Variants in AHCY observed in about 807,000 individuals in gnomAD.
AHCY encodes S-adenosyl-L-homocysteine hydrolase.
A neutral mutation model predicts 45.4 loss-of-function variants in AHCY; 24 were observed. The observed-to-expected ratio is 0.53, with a 90% confidence interval of 0.38 to 0.74. The LOEUF is 0.74. Ranked by LOEUF, AHCY falls within the 30% of genes least tolerant of loss-of-function variation. The pLI, the probability that AHCY is intolerant of heterozygous loss-of-function variation, is 0.00. For missense variants in AHCY, 449 were observed against 594.1 expected (o/e 0.76, Z 2.54); for synonymous variants, 245 against 235.1 (o/e 1.04, Z -0.39).
chr20:34,301,733 A>T, intron 1 of AHCY: 1 of 831,386 alleles, frequency 1.2e-6, no homozygotes, highest in Non-Finnish European at 1.5e-6. Flanking sequence ...TTCCAGCTCT[A>T]CTATTGATGT....
At chr20:34,266,914 CT>C in the AHCY span, among the ~76,000 whole-genome samples, 1 of 152,138 alleles carries the variant, frequency 6.6e-6, no homozygotes, top group Non-Finnish European at 1.5e-5. Context: ...CACCTTATTC[CT>C]GTCTTAGTGT....
chr20:34,264,734 C>T, the AHCY span, among the ~76,000 whole-genome samples: 1 of 150,948 alleles, frequency 6.6e-6, no homozygotes, highest in East Asian at 1.9e-4. Flanking sequence ...TTCTTATAAT[C>T]GATCTCTACT....
intron 2 of AHCY, 41 bp from the exon 3 acceptor site, chr20:34,294,197 C>T (rs1265799989): frequency 5.7e-6 from 9 of 1,584,136 alleles, no homozygotes; most frequent in South Asian, 3.3e-5. Context: ...TCACTGATGG[C>T]TCAAAAGCAC....
Position 34,280,853 on chromosome 20 carries a change from G to T in AHCY, c.*181C>A. 1.1e-6 allele frequency: 1 copy of T among 907,118 alleles called. No individual in the cohort carries two copies. Among genetic ancestry groups the T allele is most frequent in the Non-Finnish European group, 1.7e-6 (1 of 597,146 alleles). The allele number at this position is 907,118 out of a possible 1,614,324, so 56.2% of individuals were successfully genotyped here. On this transcript the variant is annotated 3_prime_UTR_variant, in exon 10 of 10. Transcript: ENST00000217426. The stretch of plus-strand genomic sequence containing the variant: ...GGCTTGAAGAGGGTACTCTGTTCCC[G>T]CTGCCACATTTGGAACAGTATGACG...
chr20:34,300,279 C>T (rs1351513212), intron 1 of AHCY, among the ~76,000 whole-genome samples: 1 of 152,192 alleles, frequency 6.6e-6, no homozygotes, highest in Non-Finnish European at 1.5e-5. Flanking sequence ...GCCATTCTCC[C>T]CACAGCAGCC....
the AHCY span, chr20:34,269,145 G>T: frequency 6.5e-7 from 1 of 1,547,578 alleles, no homozygotes; most frequent in Admixed American, 2.0e-5. Context: ...TGCTCCTGCC[G>T]CGTGCTCAGC....
chr20:34,267,843 TA>T, the AHCY span, among the ~76,000 whole-genome samples: 17,367 of 147,456 alleles, frequency 0.12, 3,350 homozygotes, highest in African/African-American at 0.4. Context: ...TAACCATATT[TA>T]AAAAAAAAAA....
At chr20:34,237,895 C>T in the AHCY span, among the ~76,000 whole-genome samples, 6 of 152,072 alleles carry the variant, frequency 3.9e-5, no homozygotes, top group African/African-American at 1.4e-4. Flanking sequence ...GCTTTTCCTG[C>T]ATCAATTGAG....
intron 1 of AHCY, among the ~76,000 whole-genome samples, chr20:34,300,565 T>C (rs2036735164): frequency 7.9e-6 from 1 of 126,396 alleles, no homozygotes; most frequent in African/African-American, 5.7e-5. Flanking sequence ...AAGCACCTAA[T>C]ACAGTACCTG....
chr20:34,248,074 T>C, the AHCY span, among the ~76,000 whole-genome samples: 1 of 152,164 alleles, frequency 6.6e-6, no homozygotes, highest in Non-Finnish European at 1.5e-5. Flanking sequence ...GGCATGGTGA[T>C]GGGCGCCTGT....
At chr20:34,251,275 C>T in the AHCY span, among the ~76,000 whole-genome samples, 7 of 146,670 alleles carry the variant, frequency 4.8e-5, no homozygotes, top group Non-Finnish European at 9.0e-5. Context: ...CTCTGTGTAA[C>T]TTTTTTTTTT....
At chr20:34,298,351 T>C (rs1035631940) in intron 1 of AHCY, among the ~76,000 whole-genome samples, 11 of 152,050 alleles carry the variant, frequency 7.2e-5, no homozygotes, top group African/African-American at 2.7e-4. Flanking sequence ...TGATAATCCT[T>C]GCTCTATAAT....
intron 8 of AHCY, among the ~76,000 whole-genome samples, chr20:34,287,247 C>T (rs974194316): frequency 6.6e-6 from 1 of 152,220 alleles, no homozygotes; most frequent in African/African-American, 2.4e-5. Flanking sequence ...TCAACCTGGA[C>T]TCTACCCTCC....
At chr20:34,284,524 C>T (rs981499823) in intron 9 of AHCY, among the ~76,000 whole-genome samples, 2 of 152,152 alleles carry the variant, frequency 1.3e-5, no homozygotes, top group African/African-American at 4.8e-5. Context: ...TCAGCTTATA[C>T]ACATGTCCAA....
chr20:34,264,780 G>C, the AHCY span, among the ~76,000 whole-genome samples: 1 of 136,338 alleles, frequency 7.3e-6, no homozygotes, highest in Non-Finnish European at 1.6e-5. Context: ...ATTTTCCCTA[G>C]TTTACTTCAT....
chr20:34,271,188 C>T, the AHCY span, among the ~76,000 whole-genome samples: 2 of 151,760 alleles, frequency 1.3e-5, no homozygotes, highest in South Asian at 2.1e-4. Flanking sequence ...GTGAACCACC[C>T]GCCTCAGCCT....
At chr20:34,293,546 A>C (rs1310427910) in intron 3 of AHCY, 1 of 237,822 alleles carries the variant, frequency 4.2e-6, no homozygotes, top group East Asian at 1.1e-4. Context: ...CAGTCTGTGA[A>C]GGAGTGCTGT....
downstream of AHCY, among the ~76,000 whole-genome samples, chr20:34,279,568 C>T (rs1257279827): frequency 6.6e-6 from 1 of 152,030 alleles, no homozygotes; most frequent in East Asian, 1.9e-4. Flanking sequence ...AGTTGAAGTA[C>T]CAAAGTCTGT....
intron 1 of AHCY, among the ~76,000 whole-genome samples, chr20:34,300,258 T>C (rs1001659468): frequency 6.6e-6 from 1 of 152,190 alleles, no homozygotes; most frequent in African/African-American, 2.4e-5. Context: ...ACTGGTCCCA[T>C]GCTCTAACAT....
Sources: gnomAD v4.1 joint callset for allele counts (sites outside exome capture counted in the v4.1 genomes callset) on GRCh38, gnomAD v4.1.1 for gene constraint, MANE v1.5 for transcripts, NCBI Gene and HGNC (gene_info 2026-07-23, HGNC 2026-07-21) for gene names.